The following MSR1 variants were observed in gnomAD, a reference collection of about 807,000 sequenced individuals.
The protein encoded by MSR1 is macrophage scavenger receptor types I and II.
A neutral mutation model predicts 47.2 loss-of-function variants in MSR1; 53 were observed. The observed-to-expected ratio is 1.12, with a 90% CI of 0.90 to 1.41. The LOEUF is 1.41. MSR1 is among the 40% of genes most tolerant of loss of function. The pLI, the probability that MSR1 is intolerant of heterozygous loss-of-function variation, is 0.00. For synonymous variants in MSR1, 239 were observed against 185.6 expected, an observed-to-expected ratio of 1.29 and a Z score of -2.34; for missense variants, 786 against 546.9, an observed-to-expected ratio of 1.44 and a Z score of -4.36.
intron 9 of MSR1, among the ~76,000 whole-genome samples, chr8:16,117,277 C>G (rs1249565677): frequency 6.6e-6 from 1 of 152,116 alleles, no homozygotes; most frequent in African/African-American, 2.4e-5. Context: ...TGTGAGGGAT[C>G]TAGGTTGCAC....
chr8:16,186,209 C>G (rs1465258851), intron 1 of MSR1: 3 of 1,535,200 alleles, frequency 2.0e-6, no homozygotes, highest in South Asian at 2.4e-5. Flanking sequence ...GATAGCACAT[C>G]CAGGGGAGTT....
rs141765352 is a variant in MSR1, at chr8:16,120,541, G to A, written c.1099C>T (p.His367Tyr). ...GPHEGRVEILHSGQWGTICDD... is the reference protein window; with the variant it reads ...GPHEGRVEILYSGQWGTICDD... ...CAAATTGTACCCCACTGGCCGCTGT[G>A]GAGTATCTCCACCCTCCCCTCGTGA... Residue 367 changes from histidine (H) to tyrosine (Y), a missense_variant, in exon 9 of 10, where the codon CAC (histidine) becomes TAC (tyrosine). Coordinates refer to ENST00000262101, the MANE Select transcript of MSR1 (RefSeq NM_138715.3). The A allele has an allele frequency of 1.2e-6, 2 of 1,610,212 alleles. No individual in the cohort carries two copies. The highest frequency in any genetic ancestry group is 1.7e-5 in the Admixed American group (1 of 59,362).
At chr8:16,117,953 C>T (rs1164726391) in intron 9 of MSR1, among the ~76,000 whole-genome samples, 4 of 152,152 alleles carry the variant, frequency 2.6e-5, no homozygotes, top group Non-Finnish European at 5.9e-5. Context: ...AACCTTCTCC[C>T]ATCCCTGGTC....
At chr8:16,158,592 C>A (rs548377665) in intron 5 of MSR1, among the ~76,000 whole-genome samples, 2 of 151,954 alleles carry the variant, frequency 1.3e-5, no homozygotes, top group African/African-American at 4.8e-5. Flanking sequence ...TAAAAATCTG[C>A]CACATCTTCT....
At chr8:16,182,859 A>T (rs944346905) in intron 1 of MSR1, among the ~76,000 whole-genome samples, 24 of 152,176 alleles carry the variant, frequency 1.6e-4, no homozygotes, top group African/African-American at 5.3e-4. Flanking sequence ...AAGAAGTATA[A>T]TATGGTAAAT....
intron 1 of MSR1, among the ~76,000 whole-genome samples, chr8:16,190,406 T>A (rs1436088255): frequency 6.6e-6 from 1 of 152,174 alleles, no homozygotes; most frequent in Non-Finnish European, 1.5e-5. Context: ...CATTGAATAA[T>A]AAAGCTTATT....
At chr8:16,138,044 T>C (rs1333220180) in intron 8 of MSR1, among the ~76,000 whole-genome samples, 7 of 151,232 alleles carry the variant, frequency 4.6e-5, no homozygotes, top group African/African-American at 1.7e-4. Flanking sequence ...CAGGCTTTAC[T>C]TTGATCAACA....
At chr8:16,189,253 A>G (rs1226420898) in intron 1 of MSR1, among the ~76,000 whole-genome samples, 1 of 106,462 alleles carries the variant, frequency 9.4e-6, no homozygotes, top group East Asian at 2.5e-4. Context: ...ATTTAGATAT[A>G]ATCTTATTTT....
intron 8 of MSR1, among the ~76,000 whole-genome samples, chr8:16,124,202 T>C (rs1314663882): frequency 6.6e-6 from 1 of 152,160 alleles, no homozygotes; most frequent in African/African-American, 2.4e-5. Flanking sequence ...TGCATGAACA[T>C]GGCATTCCCA....
At position 16,110,125 on chromosome 8, in the gene MSR1, C is replaced by G. The variant is rs755876137; in HGVS notation, c.1316G>C (p.Cys439Ser). The change falls in exon 10 of 10, where the codon TGT (cysteine) becomes TCT (serine). Residue 439 changes from cysteine (C) to serine (S), a missense_variant. Coordinates refer to ENST00000262101, the MANE Select transcript of MSR1 (RefSeq NM_138715.3). ...CKIRQWGTRA[C>S]SHSEDAGVTC... ...GACTCCAGCATCTTCAGAATGTGAA[C>G]AGGCTCTTGTCCCCCATTGCCGAAT... 6.2e-7 allele frequency: 1 copy of G among 1,613,686 alleles called. No homozygotes were observed. Among genetic ancestry groups the G allele is most frequent in the Admixed American group, 1.7e-5 (1 of 59,992 alleles).
intron 8 of MSR1, among the ~76,000 whole-genome samples, chr8:16,131,544 G>A (rs1453335730): frequency 2.1e-5 from 3 of 141,042 alleles, no homozygotes; most frequent in Admixed American, 7.7e-5. Flanking sequence ...TCTTCATCGT[G>A]AAATCTTTAC....
intron 8 of MSR1, among the ~76,000 whole-genome samples, chr8:16,124,801 G>C (rs1800092051): frequency 6.6e-6 from 1 of 152,136 alleles, no homozygotes; most frequent in South Asian, 2.1e-4. Flanking sequence ...AGTCACTTGA[G>C]GAAGAGTTAT....
At chr8:16,136,634 T>C (rs996716036) in intron 8 of MSR1, among the ~76,000 whole-genome samples, 1 of 152,070 alleles carries the variant, frequency 6.6e-6, no homozygotes, top group African/African-American at 2.4e-5. Flanking sequence ...GAAGGAGTAT[T>C]GCTCTGTCTC....
chr8:16,141,898 A>G (rs1800566593), intron 8 of MSR1, among the ~76,000 whole-genome samples: 1 of 152,214 alleles, frequency 6.6e-6, no homozygotes, highest in Non-Finnish European at 1.5e-5. Flanking sequence ...GCCTCAGGAA[A>G]AGGAGATAAA....
chr8:16,187,014 G>C (rs1181335685), intron 1 of MSR1, among the ~76,000 whole-genome samples: 1 of 151,968 alleles, frequency 6.6e-6, no homozygotes, highest in African/African-American at 2.4e-5. Context: ...AAGTAAGGCA[G>C]ATTGAGTCAC....
chr8:16,168,121 T>A (rs1801369420), intron 4 of MSR1, among the ~76,000 whole-genome samples: 1 of 152,118 alleles, frequency 6.6e-6, no homozygotes, highest in African/African-American at 2.4e-5. Context: ...AATTCACACA[T>A]ACAGAGTGTT....
At chr8:16,191,998 A>G (rs923589153) in intron 1 of MSR1, among the ~76,000 whole-genome samples, 4 of 152,164 alleles carry the variant, frequency 2.6e-5, no homozygotes, top group Non-Finnish European at 5.9e-5. Context: ...TAGTACTTTC[A>G]TACTACTTAA....
At chr8:16,170,764 T>C (rs1801461896) in intron 3 of MSR1, among the ~76,000 whole-genome samples, 2 of 152,144 alleles carry the variant, frequency 1.3e-5, no homozygotes, top group Non-Finnish European at 2.9e-5. Flanking sequence ...AGTTCCCTGA[T>C]TCTAGAATCT....
chr8:16,110,257 G>T (rs1345352667), intron 9 of MSR1, 39 bp from the exon 10 acceptor site: 1 of 1,609,430 alleles, frequency 6.2e-7, no homozygotes, highest in Non-Finnish European at 8.5e-7. Context: ...TAAGTTTAGA[G>T]TTTAGTGTTT....
Sources: gnomAD v4.1 joint callset for allele counts (sites outside exome capture counted in the v4.1 genomes callset) on GRCh38, gnomAD v4.1.1 for gene constraint, MANE v1.5 for transcripts, NCBI Gene and HGNC (gene_info 2026-07-23, HGNC 2026-07-21) for gene names.